Variants in IL17RB observed in about 807,000 individuals in gnomAD.
IL17RB encodes interleukin 17 receptor B.
A neutral mutation model predicts 43.9 loss-of-function variants in IL17RB; 36 were observed. That is an observed-to-expected ratio of 0.82 (90% CI 0.63 to 1.08). The LOEUF is 1.08. Ranked by LOEUF, IL17RB falls within the 50% of genes least tolerant of loss-of-function variation. The pLI, the probability that IL17RB is intolerant of heterozygous loss-of-function variation, is 0.00. For missense variants in IL17RB, 613 were observed against 613.6 expected (o/e 1.00, Z 0.01); for synonymous variants, 225 against 225.4 (o/e 1.00, Z 0.02).
intron 10 of IL17RB, among the ~76,000 whole-genome samples, chr3:53,863,609 G>A (rs764857391): frequency 1.3e-5 from 2 of 152,124 alleles, no homozygotes; most frequent in African/African-American, 4.8e-5. Context: ...TTACAGCACC[G>A]TATAGGGCAG....
In IL17RB at chr3:53,864,908, AAAAG is replaced by A; in HGVS notation, c.1113_1116del (p.Lys372Ter). 6.2e-7 allele frequency: 1 copy of A among 1,614,238 alleles called. No individual in the cohort carries two copies. Among genetic ancestry groups the A allele is most frequent in the Non-Finnish European group, 8.5e-7 (1 of 1,180,048 alleles). On this transcript the variant is annotated frameshift_variant, in exon 11 of 11. Transcript: ENST00000288167. LOFTEE classifies it low-confidence loss of function (END_TRUNC). ...GAGGTCATCCTTGAAAAGTGGCAGA[AAAAG>A]AAAATAGCAGAGATGGGTCCAGTGC...
rs760338757 is a variant in IL17RB, at chr3:53,860,243, T to C, written c.946+15T>C. The stretch of plus-strand genomic sequence containing the variant: ...GTGGAGGCACGGTAAGGGTTATAAT[T>C]CTTTAAAGACATCCTAGTAAGGAAA... On this transcript the variant is annotated intron_variant, in intron 10 of 10. Coordinates refer to ENST00000288167, the MANE Select transcript of IL17RB (RefSeq NM_018725.4). 6.3e-7 allele frequency: 1 copy of C among 1,580,452 alleles called. No individual in the cohort carries two copies.
intron 10 of IL17RB, among the ~76,000 whole-genome samples, chr3:53,863,544 T>C (rs2107031950): frequency 6.6e-6 from 1 of 152,334 alleles, no homozygotes; most frequent in African/African-American, 2.4e-5. Flanking sequence ...AATTCTTACA[T>C]TTAGGGATGC....
chr3:53,858,415 G>A, intron 8 of IL17RB: 3 of 1,134,820 alleles, frequency 2.6e-6, no homozygotes, highest in Admixed American at 4.4e-5. Context: ...CTTTTTTCTA[G>A]AGGAAATGTT....
Position 53,865,371 on chromosome 3 carries a change from G to C in IL17RB, c.*63G>C, listed in dbSNP as rs754664754. ...ATCCCACCAATTACAGGGAAAAAAC[G>C]TGTGATGATCCTGAAGCTTACTATG... is the stretch of plus-strand genomic sequence containing the variant. On this transcript the variant is annotated 3_prime_UTR_variant, in exon 11 of 11. Coordinates refer to ENST00000288167, the MANE Select transcript of IL17RB (RefSeq NM_018725.4). 7.6e-7 allele frequency: 1 copy of C among 1,310,798 alleles called. No individual in the cohort carries two copies. The highest frequency in any genetic ancestry group is 1.0e-6 in the Non-Finnish European group (1 of 959,134). The allele number at this position is 1,310,798 out of a possible 1,614,324, so 81.2% of individuals were successfully genotyped here.
At chr3:53,861,787 G>A (rs1699573683) in intron 10 of IL17RB, among the ~76,000 whole-genome samples, 1 of 152,172 alleles carries the variant, frequency 6.6e-6, no homozygotes, top group Non-Finnish European at 1.5e-5. Context: ...AATCACTGAG[G>A]AGAAAGGATA....
In IL17RB at chr3:53,855,338, G is replaced by C. The variant is rs752136058; in HGVS notation, c.526G>C (p.Ala176Pro). ...GAAATATAAAAAAAAGTGTGTCAAG[G>C]CCGGTAAGTAAATACGGCATTTGCT... The part of the protein sequence containing the change: ...IMKYKKKCVK[A>P]GSLWDPNITA... Residue 176 changes from alanine to proline, a missense_variant, in exon 6 of 11, where the codon GCC becomes CCC. Coordinates refer to ENST00000288167, the MANE Select transcript of IL17RB (RefSeq NM_018725.4). 1 of 1,601,318 alleles carries C rather than the reference G, an allele frequency of 6.2e-7. No individual in the cohort carries two copies.
intron 5 of IL17RB, 76 bp from the exon 6 acceptor site, chr3:53,855,214 ATGTG>A: frequency 1.2e-6 from 1 of 818,032 alleles, no homozygotes; most frequent in Non-Finnish European, 2.1e-6. Context: ...TGGTATGCGT[ATGTG>A]TGTGTGCACT....
intron 1 of IL17RB, among the ~76,000 whole-genome samples, chr3:53,848,411 G>A (rs188773400): frequency 2.0e-5 from 3 of 152,362 alleles, no homozygotes; most frequent in African/African-American, 4.8e-5. Flanking sequence ...AGACCCACCT[G>A]TGGTCTTCAA....
At chr3:53,861,780 C>A (rs1003671524) in intron 10 of IL17RB, among the ~76,000 whole-genome samples, 1 of 152,172 alleles carries the variant, frequency 6.6e-6, no homozygotes. Context: ...TTAAGAAAAT[C>A]ACTGAGGAGA....
chr3:53,855,044 G>A (rs1699282032), intron 5 of IL17RB, among the ~76,000 whole-genome samples: 1 of 151,042 alleles, frequency 6.6e-6, no homozygotes. Context: ...GTGAACCTGG[G>A]TGGCAGAGCT....
intron 10 of IL17RB, chr3:53,861,110 C>T (rs1386712228): frequency 1.3e-5 from 2 of 152,108 alleles, no homozygotes; most frequent in Non-Finnish European, 2.9e-5. Context: ...CATCTCCAAA[C>T]GAGCAGTTCC....
At chr3:53,851,977 G>A (rs751742107) in intron 3 of IL17RB, 22 bp from the exon 4 acceptor site, 1 of 1,613,842 alleles carries the variant, frequency 6.2e-7, no homozygotes, top group Non-Finnish European at 8.5e-7. Context: ...ATAAACCAAT[G>A]TCCTCTTGCC....
chr3:53,853,351 G>A (rs1179441153), intron 5 of IL17RB, among the ~76,000 whole-genome samples: 1 of 152,244 alleles, frequency 6.6e-6, no homozygotes, highest in Non-Finnish European at 1.5e-5. Context: ...ACACATAAAA[G>A]TGAAGCTGAC....
intron 3 of IL17RB, 43 bp downstream of exon 3, chr3:53,849,838 A>C: frequency 6.5e-7 from 1 of 1,540,910 alleles, no homozygotes; most frequent in South Asian, 1.2e-5. Context: ...AGTGTCTACT[A>C]AATCAGAAAT....
At chr3:53,849,349 A>T (rs1699048472) in intron 2 of IL17RB, among the ~76,000 whole-genome samples, 1 of 152,194 alleles carries the variant, frequency 6.6e-6, no homozygotes, top group South Asian at 2.1e-4. Context: ...TAAATCAGCC[A>T]GCGCTAAGAA....
At chr3:53,863,366 GCATTTA>G (rs1342274358) in intron 10 of IL17RB, among the ~76,000 whole-genome samples, 1 of 152,046 alleles carries the variant, frequency 6.6e-6, no homozygotes, top group Non-Finnish European at 1.5e-5. Context: ...AGAAACCAGA[GCATTTA>G]CATACTCAGC....
intron 10 of IL17RB, among the ~76,000 whole-genome samples, chr3:53,862,216 G>T (rs1264190232): frequency 2.0e-5 from 3 of 152,264 alleles, no homozygotes; most frequent in Admixed American, 1.3e-4. Flanking sequence ...AAAGTCCTCA[G>T]AGTGGTCTCC....
At chr3:53,847,252 C>G (rs1215707263) in intron 1 of IL17RB, among the ~76,000 whole-genome samples, 3 of 152,168 alleles carry the variant, frequency 2.0e-5, no homozygotes, top group Non-Finnish European at 4.4e-5. Flanking sequence ...CCGTAGTCAC[C>G]TGCTGGTGGA....
Sources: allele counts gnomAD v4.1 joint callset (sites outside exome capture counted in the v4.1 genomes callset), GRCh38; gene constraint gnomAD v4.1.1; transcripts MANE v1.5; gene names NCBI Gene and HGNC (gene_info 2026-07-23, HGNC 2026-07-21).